IDE: variants seen among roughly 807,000 people sequenced by gnomAD.
IDE encodes insulin-degrading enzyme.
IDE carries 58 observed loss-of-function variants against 133.2 expected under a neutral mutation model. That is an observed-to-expected ratio of 0.44 (90% CI 0.35 to 0.54). IDE has a LOEUF of 0.54. IDE is among the 20% of genes least tolerant of loss of function. The pLI is 0.00. For missense variants in IDE, 981 were observed against 1,234.0 expected (o/e 0.79, Z 3.07); for synonymous variants, 396 against 421.3 (o/e 0.94, Z 0.73).
intron 11 of IDE, among the ~76,000 whole-genome samples, chr10:92,501,272 G>C (rs901465333): frequency 1.3e-4 from 18 of 139,098 alleles, no homozygotes; most frequent in Admixed American, 1.5e-4. Context: ...TGAGGCATGA[G>C]AATTGCTTAA....
rs1564648178 is a variant in IDE, at chr10:92,524,463, T to TTA, written c.661+7283_661+7284dup. ...TAATATATTTTATATATTATATATT[T>TTA]TATATAATATATAATATATATTATA... On this transcript the variant is annotated intron_variant, in intron 4 of 24. Coordinates refer to ENST00000265986, the MANE Select transcript of IDE (RefSeq NM_004969.4). 9.4e-5 allele frequency among the ~76,000 whole-genome samples: 5 copies of TTA among 52,922 alleles called. 1 individual carries two copies. The highest frequency in any genetic ancestry group is 1.6e-4 in the Non-Finnish European group (5 of 31,842). 34.7% of individuals were successfully genotyped at this position (52,922 alleles called of 152,430 possible). A position where few individuals can be genotyped will look rare whatever the true frequency, so the allele number is the denominator to read the frequency against.
intron 4 of IDE, among the ~76,000 whole-genome samples, chr10:92,524,688 C>T (rs1480755709): frequency 1.4e-5 from 2 of 145,932 alleles, no homozygotes; most frequent in African/African-American, 2.5e-5. Context: ...TTTGAGAGGC[C>T]GAGGTGGGTG....
chr10:92,456,910 C>T (rs564146673), intron 22 of IDE, among the ~76,000 whole-genome samples: 1 of 151,122 alleles, frequency 6.6e-6, no homozygotes, highest in Admixed American at 6.6e-5. Flanking sequence ...CTTTCTTTCC[C>T]CTCACTTACA....
At chr10:92,522,157 GTTA>G (rs1298430305) in intron 4 of IDE, among the ~76,000 whole-genome samples, 1 of 152,184 alleles carries the variant, frequency 6.6e-6, no homozygotes, top group Non-Finnish European at 1.5e-5. Context: ...GATTTGGTGT[GTTA>G]TTATGTTTAC....
At chr10:92,512,264 AAAG>A (rs1848670628) in intron 5 of IDE, among the ~76,000 whole-genome samples, 1 of 152,308 alleles carries the variant, frequency 6.6e-6, no homozygotes, top group Middle Eastern at 3.4e-3. Flanking sequence ...CCTCCCGTCA[AAAG>A]AAGGAGTGGA....
chr10:92,497,892 T>A (rs1269363466), intron 11 of IDE: 1 of 156,742 alleles, frequency 6.4e-6, no homozygotes, highest in Admixed American at 6.5e-5. Context: ...AAACATATGC[T>A]CCAGCAAATG....
intron 3 of IDE, among the ~76,000 whole-genome samples, chr10:92,532,698 T>C (rs1220978561): frequency 3.3e-5 from 5 of 150,376 alleles, no homozygotes; most frequent in Non-Finnish European, 7.4e-5. Context: ...CTATATCAGG[T>C]TGAATTTAAC....
At chr10:92,565,257 A>G (rs1214886544) in intron 1 of IDE, among the ~76,000 whole-genome samples, 3 of 150,668 alleles carry the variant, frequency 2.0e-5, no homozygotes, top group Non-Finnish European at 3.0e-5. Flanking sequence ...AAAAAAAAAA[A>G]AAAAAGAAAA....
intron 12 of IDE, among the ~76,000 whole-genome samples, chr10:92,487,683 A>G (rs1456514644): frequency 6.6e-6 from 1 of 152,242 alleles, no homozygotes; most frequent in African/African-American, 2.4e-5. Context: ...ATATATTCCC[A>G]CAACTGCTAG....
rs1437163581 is a variant in IDE at position 92,456,405 on chromosome 10, C to T, written c.2850G>A (p.Arg950=). 6.2e-7 allele frequency: 1 copy of T among 1,613,904 alleles called. No individual in the cohort carries two copies. The highest frequency in any genetic ancestry group is 1.7e-5 in the Admixed American group (1 of 60,020). The change falls in exon 23 of 25, where the codon AGG becomes AGA. Residue 950 remains arginine, a synonymous_variant. Transcript: ENST00000265986. ...YKEMLAVDAP[R]RHKVSVHVLA... is the part of the protein sequence containing the mutation. ...GAACATGGACGGATACCTTATGTCT[C>T]CTTGGAGCATCTACTGCCAACATTT...
intron 11 of IDE, among the ~76,000 whole-genome samples, chr10:92,501,362 TAA>T (rs55861862): frequency 0.018 from 338 of 19,216 alleles, 4 homozygotes; most frequent in African/African-American, 0.081. Context: ...ACTCTGTCAT[TAA>T]AAAAAAAAAA....
chr10:92,515,246 C>T (rs1016284940), intron 4 of IDE, among the ~76,000 whole-genome samples: 3 of 150,246 alleles, frequency 2.0e-5, no homozygotes, highest in East Asian at 3.9e-4. Context: ...GTCGTCTCTA[C>T]GGAATTAAAA....
Position 92,452,096 on chromosome 10 carries a change from TA to T in IDE, c.*2347del, listed in dbSNP as rs1424490705. ...AATCATTGTTACCCAGAAACACTTT[TA>T]AAATGTTAATATAATTCACTGCTTT... On this transcript the variant is annotated 3_prime_UTR_variant, in exon 25 of 25. Coordinates refer to ENST00000265986, the MANE Select transcript of IDE (RefSeq NM_004969.4). The T allele has an allele frequency of 6.6e-6, 1 of 152,190 alleles. No individual in the cohort carries two copies. The highest frequency in any genetic ancestry group is 6.5e-5 in the Admixed American group (1 of 15,268). The allele number at this position is 152,190 out of a possible 1,614,324, so 9.4% of individuals were successfully genotyped here.
intron 1 of IDE, among the ~76,000 whole-genome samples, chr10:92,563,252 G>A (rs760172293): frequency 1.9e-4 from 27 of 144,764 alleles, no homozygotes; most frequent in African/African-American, 5.0e-4. Context: ...ACTCCACCTC[G>A]GGGGGGAAAA....
At chr10:92,499,682 A>G (rs114611496) in intron 11 of IDE, among the ~76,000 whole-genome samples, 39 of 152,140 alleles carry the variant, frequency 2.6e-4, no homozygotes, top group African/African-American at 7.9e-4. Flanking sequence ...TCCTCCCTCT[A>G]TGCCTCCCAA....
intron 1 of IDE, among the ~76,000 whole-genome samples, chr10:92,571,306 C>A (rs1328703376): frequency 6.6e-6 from 1 of 152,182 alleles, no homozygotes; most frequent in African/African-American, 2.4e-5. Context: ...TGAGCCACCC[C>A]ACCTGGCCTC....
intron 13 of IDE, among the ~76,000 whole-genome samples, chr10:92,484,363 G>A (rs1846831393): frequency 6.6e-6 from 1 of 152,116 alleles, no homozygotes; most frequent in South Asian, 2.1e-4. Context: ...GTTGCAGTGA[G>A]CCGAGATCAT....
chr10:92,483,776 G>C (rs537874053), intron 13 of IDE, among the ~76,000 whole-genome samples: 1 of 152,264 alleles, frequency 6.6e-6, no homozygotes, highest in Admixed American at 6.5e-5. Context: ...CACCAGGGTT[G>C]GTCTGCCTTA....
chr10:92,508,271 T>A (rs1848401661), intron 7 of IDE, 66 bp from the exon 8 acceptor site: 4 of 1,258,772 alleles, frequency 3.2e-6, no homozygotes, highest in Non-Finnish European at 4.6e-6. Context: ...ATAAGAAAAA[T>A]TTTAAAAATT....
Sources: gnomAD v4.1 joint callset for allele counts (sites outside exome capture counted in the v4.1 genomes callset) on GRCh38, gnomAD v4.1.1 for gene constraint, MANE v1.5 for transcripts, NCBI Gene and HGNC (gene_info 2026-07-23, HGNC 2026-07-21) for gene names.